The following CFAP54 variants were observed in gnomAD, a reference collection of about 807,000 sequenced individuals.
CFAP54 encodes cilia- and flagella-associated protein 54.
In CFAP54, 290 loss-of-function variants were observed where a neutral mutation model predicts 370.4. The ratio of observed to expected loss-of-function variants is 0.78; its 90% CI spans 0.71 to 0.86. The LOEUF (loss-of-function observed/expected upper bound fraction) is 0.86, where lower values mean the gene tolerates loss of function less well. Among genes scored for constraint, CFAP54 ranks in the 40% least tolerant of loss-of-function variants. CFAP54 has a pLI of 0.00. For synonymous variants in CFAP54, 1,206 were observed against 1,236.5 expected (o/e 0.98, Z 0.52); for missense variants, 3,399 against 3,528.7 (o/e 0.96, Z 0.93).
chr12:96,842,597 A>G (rs576840299), intron 66 of CFAP54, among the ~76,000 whole-genome samples: 1 of 152,284 alleles, frequency 6.6e-6, no homozygotes, highest in Non-Finnish European at 1.5e-5. Flanking sequence ...CTTTTGATGA[A>G]CAAAAAAAAA....
chr12:96,770,757 C>G (rs886351378), intron 60 of CFAP54, among the ~76,000 whole-genome samples: 1 of 152,192 alleles, frequency 6.6e-6, no homozygotes, highest in Non-Finnish European at 1.5e-5. Context: ...GTGGGAGTGT[C>G]ATTATGCACA....
intron 60 of CFAP54, among the ~76,000 whole-genome samples, chr12:96,780,732 AG>A (rs1958572545): frequency 6.6e-6 from 1 of 152,198 alleles, no homozygotes; most frequent in Non-Finnish European, 1.5e-5. Flanking sequence ...AAATCATCAC[AG>A]ATAACGAGGA....
intron 65 of CFAP54, among the ~76,000 whole-genome samples, chr12:96,823,453 TG>T (rs1338617313): frequency 6.6e-6 from 1 of 152,182 alleles, no homozygotes; most frequent in Non-Finnish European, 1.5e-5. Context: ...CATTCCAGAC[TG>T]TGGATACAGC....
In CFAP54 at chr12:96,589,524, T is replaced by C; in HGVS notation, c.3173T>C (p.Val1058Ala). 6.7e-7 allele frequency: 1 copy of C among 1,483,100 alleles called. No individual in the cohort carries two copies. The highest frequency in any genetic ancestry group is 9.1e-7 in the Non-Finnish European group (1 of 1,098,914). The allele number at this position is 1,483,100 out of a possible 1,614,324, so 91.9% of individuals were successfully genotyped here. Residue 1058 changes from valine (V) to alanine (A), a missense_variant, in exon 23 of 68, where the codon GTT (valine) becomes GCT (alanine). Transcript: ENST00000524981. ...TCGCCACTTCAGGATGAACAATCTG[T>C]TATTTGTTTAAGCAATATAATTACT... ...VASPLQDEQS[V>A]ICLSNIITIT... is the part of the protein sequence containing the mutation.
At chr12:96,675,660 T>C (rs1361320857) in intron 39 of CFAP54, among the ~76,000 whole-genome samples, 1 of 152,130 alleles carries the variant, frequency 6.6e-6, no homozygotes, top group African/African-American at 2.4e-5. Context: ...GCAGCACTAT[T>C]CACAATAGCA....
At chr12:96,729,121 G>A (rs1399903111) in intron 50 of CFAP54, among the ~76,000 whole-genome samples, 2 of 152,126 alleles carry the variant, frequency 1.3e-5, no homozygotes, top group African/African-American at 4.8e-5. Context: ...CTGCTCGGGG[G>A]TCAGGGGTCG....
intron 35 of CFAP54, among the ~76,000 whole-genome samples, chr12:96,651,266 A>T (rs1956854326): frequency 6.6e-6 from 1 of 152,178 alleles, no homozygotes; most frequent in African/African-American, 2.4e-5. Flanking sequence ...AAGCAGCATG[A>T]GGGCAGACCC....
intron 19 of CFAP54, among the ~76,000 whole-genome samples, chr12:96,575,816 A>G (rs1305748430): frequency 6.6e-6 from 1 of 152,220 alleles, no homozygotes; most frequent in Admixed American, 6.5e-5. Flanking sequence ...TTGTCCTAGC[A>G]CCATTTGTAG....
intron 48 of CFAP54, among the ~76,000 whole-genome samples, chr12:96,717,684 T>C (rs2058800): frequency 3.3e-5 from 5 of 152,048 alleles, no homozygotes; most frequent in Non-Finnish European, 7.4e-5. Flanking sequence ...TTGTGGATTA[T>C]GCTCTTCCAG....
chr12:96,747,662 G>T (rs1445241036), intron 55 of CFAP54, among the ~76,000 whole-genome samples: 1 of 152,120 alleles, frequency 6.6e-6, no homozygotes, highest in Non-Finnish European at 1.5e-5. Flanking sequence ...GAAGATTTGG[G>T]ATCTAGAGGA....
At chr12:96,534,376 A>C (rs952230920) in intron 11 of CFAP54, 149 bp downstream of exon 11, 8 of 569,634 alleles carry the variant, frequency 1.4e-5, no homozygotes, top group African/African-American at 1.3e-4. Flanking sequence ...CAGGAATGGC[A>C]TGGGGGTATG....
At chr12:96,555,343 T>C (rs2136401775) in intron 17 of CFAP54, among the ~76,000 whole-genome samples, 1 of 151,978 alleles carries the variant, frequency 6.6e-6, no homozygotes, top group East Asian at 1.9e-4. Flanking sequence ...CAAATGCTGG[T>C]TAATTTAAGA....
intron 26 of CFAP54, among the ~76,000 whole-genome samples, chr12:96,601,899 A>G (rs1034963797): frequency 7.9e-5 from 12 of 152,136 alleles, no homozygotes; most frequent in Non-Finnish European, 1.3e-4. Flanking sequence ...GATCTTTTCA[A>G]AAAACGAGCT....
At chr12:96,546,027 G>C (rs1360597757) in intron 14 of CFAP54, among the ~76,000 whole-genome samples, 1 of 152,164 alleles carries the variant, frequency 6.6e-6, no homozygotes, top group Non-Finnish European at 1.5e-5. Flanking sequence ...AGCCACTGTT[G>C]CAAATTAATC....
At chr12:96,717,046 C>G (rs1957690424) in intron 48 of CFAP54, among the ~76,000 whole-genome samples, 1 of 152,200 alleles carries the variant, frequency 6.6e-6, no homozygotes, top group Non-Finnish European at 1.5e-5. Context: ...TCCTATATCT[C>G]TTCGCCTATG....
intron 39 of CFAP54, 69 bp downstream of exon 39, chr12:96,664,001 C>T: frequency 9.2e-7 from 1 of 1,083,376 alleles, no homozygotes; most frequent in African/African-American, 1.6e-5. Flanking sequence ...TTCTGCATGT[C>T]AAACCTTCCA....
At chr12:96,573,384 T>A (rs968351213) in intron 19 of CFAP54, among the ~76,000 whole-genome samples, 7 of 152,218 alleles carry the variant, frequency 4.6e-5, no homozygotes, top group African/African-American at 1.7e-4. Context: ...GGAAATCCAC[T>A]TATCTTTTCT....
intron 62 of CFAP54, among the ~76,000 whole-genome samples, chr12:96,788,706 C>T (rs1192607060): frequency 6.6e-6 from 1 of 151,986 alleles, no homozygotes; most frequent in Non-Finnish European, 1.5e-5. Context: ...TCCTTCCCTA[C>T]TCAAGAGAGT....
intron 34 of CFAP54, among the ~76,000 whole-genome samples, 164 bp downstream of exon 34, chr12:96,648,181 C>A (rs1032709189): frequency 1.3e-5 from 2 of 152,188 alleles, no homozygotes; most frequent in African/African-American, 4.8e-5. Flanking sequence ...TTCTTGTTTG[C>A]TCTATTTTAA....
Sources: allele counts gnomAD v4.1 joint callset (sites outside exome capture counted in the v4.1 genomes callset), GRCh38; gene constraint gnomAD v4.1.1; transcripts MANE v1.5; gene names NCBI Gene and HGNC (gene_info 2026-07-23, HGNC 2026-07-21).